KCNIP4: variants seen among roughly 807,000 people sequenced by gnomAD.
KCNIP4 encodes potassium voltage-gated channel interacting protein 4, also known as Kv channel-interacting protein 4.
In KCNIP4, 12 loss-of-function variants were observed where a neutral mutation model predicts 34.0. The ratio of observed to expected loss-of-function variants is 0.35; its 90% confidence interval spans 0.23 to 0.57. The LOEUF (loss-of-function observed/expected upper bound fraction) is 0.57, where lower values mean the gene tolerates loss of function less well. Ranked by LOEUF, KCNIP4 falls within the 20% of genes least tolerant of loss-of-function variation. The probability of loss-of-function intolerance (pLI) is 0.83; values close to 1 mark genes in which losing one functional copy is unlikely to be tolerated. For missense variants in KCNIP4, 238 were observed against 311.7 expected, an observed-to-expected ratio of 0.76 and a Z score of 1.78; for synonymous variants, 124 against 102.2, an observed-to-expected ratio of 1.21 and a Z score of -1.29.
chr4:21,774,713 C>T (rs546060565), intron 1 of KCNIP4, among the ~76,000 whole-genome samples: 28 of 152,188 alleles, frequency 1.8e-4, no homozygotes, highest in African/African-American at 6.7e-4. Flanking sequence ...TCTCTGATAT[C>T]CTTTCCTCCA....
intron 1 of KCNIP4, among the ~76,000 whole-genome samples, chr4:20,899,354 T>C (rs1491359): frequency 0.36 from 54,124 of 152,026 alleles, 11,367 homozygotes; most frequent in East Asian, 0.5. Context: ...ATGTGAAATA[T>C]TGTCCTTGAA....
chr4:21,140,918 A>G (rs1393157187), intron 1 of KCNIP4, among the ~76,000 whole-genome samples: 2 of 152,160 alleles, frequency 1.3e-5, no homozygotes, highest in Non-Finnish European at 2.9e-5. Flanking sequence ...CACCTCCGCT[A>G]GCATGCATTA....
intron 1 of KCNIP4, among the ~76,000 whole-genome samples, chr4:20,978,110 C>T (rs527881640): frequency 1.6e-4 from 24 of 152,230 alleles, no homozygotes; most frequent in African/African-American, 3.4e-4. Context: ...CTCATATAAG[C>T]GGGGACTCTG....
At position 20,786,190 on chromosome 4, in the gene KCNIP4, A is replaced by G. The variant is rs56755176; in HGVS notation, c.289-27300T>C. ...GACATTACCCTACGTAAACTCACAC[A>G]GGAACAGAAAACCAAATACTGCATG... On this transcript the variant is annotated intron_variant, in intron 3 of 8. Coordinates refer to ENST00000382152, the MANE Select transcript of KCNIP4 (RefSeq NM_025221.6). 8.7e-3 allele frequency among the ~76,000 whole-genome samples: 1,327 copies of G among 152,302 alleles called. 18 individuals are homozygous for G. The highest frequency in any genetic ancestry group is 0.03 in the African/African-American group (1,263 of 41,576).
chr4:20,948,040 A>G (rs1732380279), intron 1 of KCNIP4, among the ~76,000 whole-genome samples: 1 of 152,214 alleles, frequency 6.6e-6, no homozygotes, highest in Admixed American at 6.5e-5. Flanking sequence ...AAAGCCAACG[A>G]GGGGATACAG....
rs188619821 is a variant in KCNIP4 at position 21,564,027 on chromosome 4, T to C, written c.61+384544A>G. Reference sequence around the variant, plus strand: ...TATCTAAGACATTGTTTTTATCTACTATCTCAGTGTTGTGATATGAGTATT... The same window carrying C: ...TATCTAAGACATTGTTTTTATCTACCATCTCAGTGTTGTGATATGAGTATT... On this transcript the variant is annotated intron_variant, in intron 1 of 8. Coordinates refer to ENST00000382152, the MANE Select transcript of KCNIP4 (RefSeq NM_025221.6). Among the ~76,000 whole-genome samples the C allele has an allele frequency of 3.6e-3, 542 of 152,266 alleles. 2 individuals carry two copies. The highest frequency in any genetic ancestry group is 6.2e-3 in the Non-Finnish European group (421 of 68,012).
intron 1 of KCNIP4, among the ~76,000 whole-genome samples, chr4:21,418,206 T>C (rs1180582779): frequency 1.3e-5 from 2 of 152,128 alleles, no homozygotes; most frequent in Non-Finnish European, 2.9e-5. Context: ...GACATAAGAC[T>C]TCTGGATCAT....
At chr4:20,825,174 AG>A (rs1420859269) in intron 3 of KCNIP4, among the ~76,000 whole-genome samples, 1 of 150,912 alleles carries the variant, frequency 6.6e-6, no homozygotes, top group East Asian at 2.0e-4. Flanking sequence ...GAGAGAAAAT[AG>A]AGTGAGTAAA....
chr4:21,064,440 A>T (rs1744181725), intron 1 of KCNIP4, among the ~76,000 whole-genome samples: 1 of 151,944 alleles, frequency 6.6e-6, no homozygotes, highest in Non-Finnish European at 1.5e-5. Context: ...ATAGTATGTC[A>T]TAACAATTAA....
At chr4:21,731,114 C>CAAAAAAAA (rs36075428) in intron 1 of KCNIP4, among the ~76,000 whole-genome samples, 1 of 135,128 alleles carries the variant, frequency 7.4e-6, no homozygotes, top group Non-Finnish European at 1.6e-5. Flanking sequence ...GAACCTGTCT[C>CAAAAAAAA]AAAAAAAAAA....
chr4:20,763,438 C>G (rs922505964), intron 3 of KCNIP4, among the ~76,000 whole-genome samples: 3 of 152,276 alleles, frequency 2.0e-5, no homozygotes, highest in Admixed American at 6.5e-5. Flanking sequence ...GTCTCTGTGA[C>G]TGTGTCATCC....
chr4:20,925,134 T>C (rs1221945274), intron 1 of KCNIP4, among the ~76,000 whole-genome samples: 1 of 152,220 alleles, frequency 6.6e-6, no homozygotes, highest in East Asian at 1.9e-4. Flanking sequence ...TAATTCATTA[T>C]ATGCAAAGGT....
intron 1 of KCNIP4, among the ~76,000 whole-genome samples, chr4:21,317,183 T>A (rs2109290278): frequency 6.6e-6 from 1 of 152,280 alleles, no homozygotes; most frequent in African/African-American, 2.4e-5. Context: ...GTATTTCAAA[T>A]AGTTTTTACT....
chr4:21,658,565 G>A (rs1272221850), intron 1 of KCNIP4, among the ~76,000 whole-genome samples: 2 of 152,142 alleles, frequency 1.3e-5, no homozygotes, highest in Non-Finnish European at 2.9e-5. Context: ...ACCAGGCCTG[G>A]CTAATTTTTA....
intron 1 of KCNIP4, among the ~76,000 whole-genome samples, chr4:21,773,847 T>C (rs894945989): frequency 2.0e-5 from 3 of 151,966 alleles, no homozygotes; most frequent in South Asian, 2.1e-4. Context: ...GCATGTAAGA[T>C]GGGTCTCCTG....
chr4:21,234,580 A>T (rs989829304), intron 1 of KCNIP4, among the ~76,000 whole-genome samples: 50 of 137,594 alleles, frequency 3.6e-4, no homozygotes, highest in African/African-American at 1.4e-3. Flanking sequence ...TATATATTAC[A>T]TATAACGTAT....
chr4:21,774,983 C>A (rs1281700248), intron 1 of KCNIP4, among the ~76,000 whole-genome samples: 1 of 152,120 alleles, frequency 6.6e-6, no homozygotes, highest in East Asian at 1.9e-4. Flanking sequence ...AGTTCTGTGT[C>A]CTTGATGGAG....
At chr4:21,341,626 G>A (rs554667676) in intron 1 of KCNIP4, among the ~76,000 whole-genome samples, 46 of 152,220 alleles carry the variant, frequency 3.0e-4, no homozygotes, top group African/African-American at 1.0e-3. Flanking sequence ...AGTAAGAAGA[G>A]TATGACATGA....
At chr4:21,168,330 T>C (rs1300183302) in intron 1 of KCNIP4, among the ~76,000 whole-genome samples, 1 of 152,154 alleles carries the variant, frequency 6.6e-6, no homozygotes, top group African/African-American at 2.4e-5. Flanking sequence ...TTTCAGACTT[T>C]AGTAGCTGTC....
Sources: allele counts gnomAD v4.1 joint callset (sites outside exome capture counted in the v4.1 genomes callset), GRCh38; gene constraint gnomAD v4.1.1; transcripts MANE v1.5; gene names NCBI Gene and HGNC (gene_info 2026-07-23, HGNC 2026-07-21).